INO80D: variants seen among roughly 807,000 people sequenced by gnomAD.
INO80D encodes the protein INO80 complex subunit D.
Under a neutral mutation model 87.6 loss-of-function variants are expected in INO80D, and 21 were observed. The observed-to-expected ratio is 0.24, with a 90% CI of 0.17 to 0.35. The LOEUF is 0.35. INO80D is among the 10% of genes least tolerant of loss of function. The pLI is 1.00. For missense variants in INO80D, 982 were observed against 1,280.7 expected (o/e 0.77, Z 3.56); for synonymous variants, 440 against 491.0 (o/e 0.90, Z 1.37).
intron 1 of INO80D, among the ~76,000 whole-genome samples, chr2:206,077,209 G>A (rs905880760): frequency 7.9e-5 from 12 of 152,112 alleles, no homozygotes; most frequent in African/African-American, 2.4e-4. Flanking sequence ...CCCGGGAGTC[G>A]GGCGCCTGCA....
intron 1 of INO80D, among the ~76,000 whole-genome samples, chr2:206,071,249 C>A (rs1379236017): frequency 8.5e-6 from 1 of 116,992 alleles, no homozygotes; most frequent in South Asian, 3.2e-4. Flanking sequence ...ATAAGCACCA[C>A]GCCCGGCCTT....
intron 5 of INO80D, among the ~76,000 whole-genome samples, chr2:206,043,518 C>T (rs530487135): frequency 2.7e-5 from 4 of 150,940 alleles, no homozygotes; most frequent in Admixed American, 6.6e-5. Context: ...GATGGAGTCT[C>T]GCTCTGTCAT....
chr2:206,073,766 C>T (rs1690034008), intron 1 of INO80D, among the ~76,000 whole-genome samples: 1 of 152,128 alleles, frequency 6.6e-6, no homozygotes, highest in Non-Finnish European at 1.5e-5. Context: ...CCACCAGCAT[C>T]AGCCTCCCAA....
intron 1 of INO80D, among the ~76,000 whole-genome samples, chr2:206,066,800 A>T (rs1689827980): frequency 1.5e-5 from 2 of 134,578 alleles, no homozygotes; most frequent in South Asian, 4.5e-4. Flanking sequence ...GCAAGACTCC[A>T]TCACAAAAAA....
At chr2:206,035,756 A>G (rs201553498) in intron 5 of INO80D, among the ~76,000 whole-genome samples, 1 of 152,232 alleles carries the variant, frequency 6.6e-6, no homozygotes. Flanking sequence ...GAGCTTTTGC[A>G]CAGCAAAAGG....
At chr2:206,041,723 A>T (rs1220608174) in intron 5 of INO80D, among the ~76,000 whole-genome samples, 1 of 152,252 alleles carries the variant, frequency 6.6e-6, no homozygotes, top group Non-Finnish European at 1.5e-5. Flanking sequence ...ATAGAATACT[A>T]TATTCAAATG....
rs1687769284 is a variant in INO80D at position 205,994,365 on chromosome 2, AC to A, written c.*10002del. 6.6e-6 allele frequency: 1 copy of A among 152,204 alleles called. No homozygotes were observed. Among genetic ancestry groups the A allele is most frequent in the Non-Finnish European group, 1.5e-5 (1 of 68,036 alleles). The allele number at this position is 152,204 out of a possible 1,614,324, so 9.4% of individuals were successfully genotyped here. A position where few individuals can be genotyped will look rare whatever the true frequency, so the allele number is the denominator to read the frequency against. On this transcript the variant is annotated 3_prime_UTR_variant, in exon 11 of 11. Transcript: ENST00000403263. ...ACACTGAAAAAGAAGGGCTTTGAGA[AC>A]CGCTAGTCCTTGCTACCGTGCAGTT... is the stretch of plus-strand genomic sequence containing the variant.
At chr2:206,075,094 T>C (rs9989806) in intron 1 of INO80D, among the ~76,000 whole-genome samples, 2,931 of 150,386 alleles carry the variant, frequency 0.019, 90 homozygotes, top group African/African-American at 0.067. Flanking sequence ...AATAGGAAAA[T>C]TGAACAATTC....
rs1415359662 is a variant in INO80D at position 206,085,296 on chromosome 2, G to A, written c.-124+605C>T. Among the ~76,000 whole-genome samples the A allele has an allele frequency of 6.6e-6, 1 of 151,620 alleles. No individual in the cohort carries two copies. Among genetic ancestry groups the A allele is most frequent in the Non-Finnish European group, 1.5e-5 (1 of 67,816 alleles). On this transcript the variant is annotated intron_variant, in intron 1 of 10. Transcript: ENST00000403263. The surrounding 1 kb of genome is among the most constrained non-coding windows in gnomAD (Gnocchi z 4.5). ...TGGCCGTCCGGAGCGCGGAGGAGGGGGATAAATAAATTCAACTCTTACCGG... is the reference window on the plus strand; with the variant it reads ...TGGCCGTCCGGAGCGCGGAGGAGGGAGATAAATAAATTCAACTCTTACCGG...
At chr2:206,050,496 G>GAAAAAAAAAAA (rs3079265) in intron 4 of INO80D, among the ~76,000 whole-genome samples, 2 of 99,544 alleles carry the variant, frequency 2.0e-5, no homozygotes, top group East Asian at 3.6e-4. Flanking sequence ...CGTCTCAAAA[G>GAAAAAAAAAAA]AAAAAAAAAA....
intron 1 of INO80D, among the ~76,000 whole-genome samples, chr2:206,072,099 A>G (rs956704289): frequency 2.0e-5 from 3 of 152,058 alleles, no homozygotes; most frequent in Admixed American, 6.6e-5. Flanking sequence ...CCATCCATGC[A>G]TGGGGATTAC....
At chr2:206,031,645 T>G (rs1575823553) in intron 5 of INO80D, among the ~76,000 whole-genome samples, 1 of 152,210 alleles carries the variant, frequency 6.6e-6, no homozygotes, top group East Asian at 1.9e-4. Flanking sequence ...CCCCTAGGAC[T>G]GGCTTAAAAT....
chr2:206,005,447 T>C lies in INO80D; in HGVS notation c.2005A>G (p.Ser669Gly). 6.2e-7 allele frequency: 1 copy of C among 1,613,906 alleles called. No homozygotes were observed. Among genetic ancestry groups the C allele is most frequent in the Non-Finnish European group, 8.5e-7 (1 of 1,179,870 alleles). Residue 669 changes from serine to glycine, a missense_variant, in exon 11 of 11, where the codon AGT becomes GGT. By Grantham distance (56) the Ser-to-Gly change is moderately conservative. Coordinates refer to ENST00000403263, the MANE Select transcript of INO80D (RefSeq NM_017759.5). Reference protein sequence around the residue: ...LQAVTSLECLSTIGVLAQSDG... With the variant: ...LQAVTSLECLGTIGVLAQSDG... Reference sequence around the variant, plus strand: ...GACTGGGCAAGGACCCCAATGGTACTCAGGCACTCGAGAGAAGTTACAGCC... The same window carrying C: ...GACTGGGCAAGGACCCCAATGGTACCCAGGCACTCGAGAGAAGTTACAGCC...
chr2:206,027,675 G>A (rs751339740), intron 6 of INO80D, among the ~76,000 whole-genome samples: 1 of 152,134 alleles, frequency 6.6e-6, no homozygotes, highest in Non-Finnish European at 1.5e-5. Flanking sequence ...CTGCACTCCA[G>A]CCTGGGCGAC....
In INO80D at chr2:205,995,437, T is replaced by C. The variant is rs965218243; in HGVS notation, c.*8931A>G. 1.3e-5 allele frequency: 2 copies of C among 152,214 alleles called. No homozygotes were observed. The highest frequency in any genetic ancestry group is 2.9e-5 in the Non-Finnish European group (2 of 68,032). The allele number at this position is 152,214 out of a possible 1,614,324, so 9.4% of individuals were successfully genotyped here. A position where few individuals can be genotyped will look rare whatever the true frequency, so the allele number is the denominator to read the frequency against. On this transcript the variant is annotated 3_prime_UTR_variant, in exon 11 of 11. Transcript: ENST00000403263. Reference sequence around the variant, plus strand: ...TGATAATGTATTTTAAATCATTACATACAACTGCCACTGCAGTGACAATAT... The same window carrying C: ...TGATAATGTATTTTAAATCATTACACACAACTGCCACTGCAGTGACAATAT...
At chr2:206,037,002 G>C (rs1427007948) in intron 5 of INO80D, among the ~76,000 whole-genome samples, 1 of 152,142 alleles carries the variant, frequency 6.6e-6, no homozygotes, top group African/African-American at 2.4e-5. Context: ...CCTGGTTGCT[G>C]ATGAAGAGTA....
rs775239236 is a variant in INO80D at position 205,997,189 on chromosome 2, G to A, written c.*7179C>T. The A allele has an allele frequency of 2.0e-5, 3 of 151,872 alleles. No individual in the cohort carries two copies. The highest frequency in any genetic ancestry group is 4.8e-5 in the African/African-American group (2 of 41,356). 9.4% of individuals were successfully genotyped at this position (151,872 alleles called of 1,614,324 possible). A position where few individuals can be genotyped will look rare whatever the true frequency, so the allele number is the denominator to read the frequency against. ...CTATTTCAGACCACCAGATACTCCA[G>A]TAATAAATGTATAGCAAAATAACAA... On this transcript the variant is annotated 3_prime_UTR_variant, in exon 11 of 11. Coordinates refer to ENST00000403263, the MANE Select transcript of INO80D (RefSeq NM_017759.5).
At chr2:206,020,089 G>GTTT (rs34519729) in intron 6 of INO80D, among the ~76,000 whole-genome samples, 1 of 148,868 alleles carries the variant, frequency 6.7e-6, no homozygotes. Context: ...AAGTATGTCT[G>GTTT]TTTTTTTTTT....
In INO80D at chr2:206,062,763, T is replaced by C; in HGVS notation, c.218+36A>G. On this transcript the variant is annotated intron_variant, in intron 3 of 10. Transcript: ENST00000403263. This position sits in a 1 kb window ranked among gnomAD's most constrained non-coding sequence, Gnocchi z 4.6. ...AAAGAAAAAATTCCAAGCCTGTTAA[T>C]GAAATCAAGGATTGATTCTCATGAT... 1.3e-6 allele frequency: 2 copies of C among 1,531,218 alleles called. No homozygotes were observed. Among genetic ancestry groups the C allele is most frequent in the South Asian group, 1.2e-5 (1 of 82,028 alleles). The allele number at this position is 1,531,218 out of a possible 1,614,324, so 94.9% of individuals were successfully genotyped here.
Sources: allele counts gnomAD v4.1 joint callset (sites outside exome capture counted in the v4.1 genomes callset), GRCh38; gene constraint gnomAD v4.1.1; non-coding constraint Gnocchi (gnomAD v3.1); transcripts MANE v1.5; gene names NCBI Gene and HGNC (gene_info 2026-07-23, HGNC 2026-07-21).